ZNF804B: variants seen among roughly 807,000 people sequenced by gnomAD.
ZNF804B encodes zinc finger protein 804B.
Under a neutral mutation model 101.4 loss-of-function variants are expected in ZNF804B, and 80 were observed. The ratio of observed to expected loss-of-function variants is 0.79; its 90% CI spans 0.66 to 0.95. The LOEUF is 0.95. ZNF804B is among the 40% of genes least tolerant of loss of function. ZNF804B has a pLI of 0.00. For missense variants in ZNF804B, 1,673 were observed against 1,561.9 expected (o/e 1.07, Z -1.20); for synonymous variants, 622 against 558.8 (o/e 1.11, Z -1.59).
chr7:88,798,147 C>T (rs1050933018), intron 1 of ZNF804B, among the ~76,000 whole-genome samples: 1 of 152,052 alleles, frequency 6.6e-6, no homozygotes, highest in Admixed American at 6.6e-5. Context: ...CTGATCAATA[C>T]TTCCAACACA....
At chr7:89,165,796 G>A (rs183495137) in intron 1 of ZNF804B, among the ~76,000 whole-genome samples, 1 of 152,136 alleles carries the variant, frequency 6.6e-6, no homozygotes, top group Admixed American at 6.6e-5. Flanking sequence ...TAGGAACTAG[G>A]AAGTAAAACA....
At chr7:89,298,255 T>C (rs1357637103) in intron 2 of ZNF804B, among the ~76,000 whole-genome samples, 34 of 122,518 alleles carry the variant, frequency 2.8e-4, no homozygotes, top group African/African-American at 1.0e-3. Flanking sequence ...TATATATATA[T>C]ATACTTTAAG....
In ZNF804B at chr7:89,004,658, A is replaced by T. The variant is rs559552684; in HGVS notation, c.109-213497A>T. On this transcript the variant is annotated intron_variant, in intron 1 of 3. Coordinates refer to ENST00000333190, the MANE Select transcript of ZNF804B (RefSeq NM_181646.5). ...AGTGGTGAATATTTTTAGTGGTTCTATTATTTGCTCTTTTAAAACTTAGAA... is the reference window on the plus strand; with the variant it reads ...AGTGGTGAATATTTTTAGTGGTTCTTTTATTTGCTCTTTTAAAACTTAGAA... 2.6e-5 allele frequency among the ~76,000 whole-genome samples: 4 copies of T among 151,964 alleles called. No homozygotes were observed. The East Asian group carries it at 7.7e-4, about 29-fold the overall frequency.
chr7:89,216,384 G>T (rs574061671), intron 1 of ZNF804B, among the ~76,000 whole-genome samples: 1 of 149,180 alleles, frequency 6.7e-6, no homozygotes, highest in Non-Finnish European at 1.5e-5. Flanking sequence ...CTAAATCAAG[G>T]GATTTAGCAC....
chr7:88,970,510 A>G (rs1793519137), intron 1 of ZNF804B, among the ~76,000 whole-genome samples: 1 of 151,484 alleles, frequency 6.6e-6, no homozygotes, highest in Non-Finnish European at 1.5e-5. Flanking sequence ...TCTAATATTA[A>G]TTTTTCTTTT....
chr7:88,925,536 C>T (rs1223941829), intron 1 of ZNF804B, among the ~76,000 whole-genome samples: 1 of 152,054 alleles, frequency 6.6e-6, no homozygotes, highest in African/African-American at 2.4e-5. Context: ...CATGAGGACA[C>T]AGAGAAAGTG....
intron 1 of ZNF804B, among the ~76,000 whole-genome samples, chr7:89,092,786 T>C (rs1206585413): frequency 6.6e-6 from 1 of 152,180 alleles, no homozygotes; most frequent in Non-Finnish European, 1.5e-5. Flanking sequence ...TATGATTATT[T>C]TTGAACACTT....
rs540646903 is a variant in ZNF804B, at chr7:88,923,257, G to A, written c.108+163173G>A. Among the ~76,000 whole-genome samples the A allele has an allele frequency of 3.7e-3, 568 of 152,106 alleles. 3 individuals carry two copies. The highest frequency in any genetic ancestry group is 0.013 in the African/African-American group (541 of 41,522). On this transcript the variant is annotated intron_variant, in intron 1 of 3. Transcript: ENST00000333190. ...GCTCCTCTGTAGCGTTGCTTTGGGG[G>A]TATCTGCCATAGAACTCTCTGATAA... is the stretch of plus-strand genomic sequence containing the variant.
intron 1 of ZNF804B, among the ~76,000 whole-genome samples, chr7:89,005,677 T>C (rs1788361625): frequency 6.6e-6 from 1 of 152,126 alleles, no homozygotes; most frequent in Non-Finnish European, 1.5e-5. Flanking sequence ...TGACAAAATC[T>C]GATAATCAAT....
rs1367888309 is a variant in ZNF804B, at chr7:89,220,024, T to C, written c.249+1729T>C. On this transcript the variant is annotated intron_variant, in intron 2 of 3. Transcript: ENST00000333190. ...ATATGCACATATATGTGTGTATACA[T>C]ATATATACGCACATATATGTGCATA... Among the ~76,000 whole-genome samples the C allele has an allele frequency of 7.6e-4, 86 of 113,496 alleles. 11 individuals carry two copies. Among genetic ancestry groups the C allele is most frequent in the African/African-American group, 2.2e-3 (65 of 29,018 alleles). 74.5% of individuals were successfully genotyped at this position (113,496 alleles called of 152,430 possible).
intron 2 of ZNF804B, among the ~76,000 whole-genome samples, chr7:89,219,966 T>TATATGTATATATACATATATGTGTGC (rs1788963156): frequency 1.2e-5 from 1 of 81,796 alleles, no homozygotes; most frequent in African/African-American, 5.3e-5. Flanking sequence ...TATGTGTGCA[T>TATATGTATATATACATATATGTGTGC]ATATATGTAT....
At chr7:88,768,913 G>A (rs2115626031) in intron 1 of ZNF804B, among the ~76,000 whole-genome samples, 1 of 152,302 alleles carries the variant, frequency 6.6e-6, no homozygotes, top group Non-Finnish European at 1.5e-5. Flanking sequence ...CCATTGACTA[G>A]TAATTTTATA....
chr7:89,301,779 G>A (rs1422201988), intron 2 of ZNF804B, among the ~76,000 whole-genome samples: 2 of 151,850 alleles, frequency 1.3e-5, no homozygotes, highest in Non-Finnish European at 2.9e-5. Flanking sequence ...CTTAATAGAT[G>A]CGTGACCCCA....
intron 1 of ZNF804B, among the ~76,000 whole-genome samples, chr7:88,851,797 A>G (rs1162523058): frequency 6.6e-6 from 1 of 152,116 alleles, no homozygotes; most frequent in African/African-American, 2.4e-5. Flanking sequence ...ACAATGCATC[A>G]TGGAATTTAT....
chr7:89,041,297 G>A (rs148607291), intron 1 of ZNF804B, among the ~76,000 whole-genome samples: 13 of 152,246 alleles, frequency 8.5e-5, no homozygotes, highest in African/African-American at 2.6e-4. Flanking sequence ...CTGGAGTCTG[G>A]GTCTGCCCTG....
intron 2 of ZNF804B, among the ~76,000 whole-genome samples, chr7:89,261,364 G>T (rs1789710342): frequency 6.6e-6 from 1 of 151,792 alleles, no homozygotes; most frequent in South Asian, 2.1e-4. Context: ...CTTAATTTTT[G>T]ATATTTTTTG....
chr7:89,081,974 C>G lies in ZNF804B; in HGVS notation c.109-136181C>G, dbSNP rs1789704305. On this transcript the variant is annotated intron_variant, in intron 1 of 3. Coordinates refer to ENST00000333190, the MANE Select transcript of ZNF804B (RefSeq NM_181646.5). ...ATTATTTCCAGGTTTCCTGGAAACT[C>G]TAATATTCACCCATTCTCATAATTA... Among the ~76,000 whole-genome samples the G allele has an allele frequency of 2.6e-5, 4 of 151,822 alleles. No individual in the cohort carries two copies. The South Asian group carries it at 8.3e-4, about 32-fold the overall frequency.
intron 1 of ZNF804B, among the ~76,000 whole-genome samples, chr7:89,103,058 T>TG (rs1562885426): frequency 8.3e-6 from 1 of 120,492 alleles, no homozygotes; most frequent in African/African-American, 3.8e-5. Flanking sequence ...GTTTTTTTTT[T>TG]TTTTTTTTTT....
At chr7:89,006,866 G>A (rs1788374977) in intron 1 of ZNF804B, among the ~76,000 whole-genome samples, 2 of 152,014 alleles carry the variant, frequency 1.3e-5, no homozygotes, top group African/African-American at 4.8e-5. Flanking sequence ...TGCTAACAAT[G>A]TCACCACAGG....
Sources: allele counts gnomAD v4.1 joint callset (sites outside exome capture counted in the v4.1 genomes callset), GRCh38; gene constraint gnomAD v4.1.1; transcripts MANE v1.5; gene names NCBI Gene and HGNC (gene_info 2026-07-23, HGNC 2026-07-21).